BABAM2: variants seen among roughly 807,000 people sequenced by gnomAD.
The protein encoded by BABAM2 is BRISC and BRCA1-A complex member 2.
BABAM2 carries 31 observed loss-of-function variants against 54.7 expected under a neutral mutation model. That is an observed-to-expected ratio of 0.57 (90% CI 0.43 to 0.77). BABAM2 has a LOEUF of 0.77. Among genes scored for constraint, BABAM2 ranks in the 30% least tolerant of loss-of-function variants. BABAM2 has a pLI of 0.00. For missense variants in BABAM2, 364 were observed against 455.8 expected (o/e 0.80, Z 1.83); for synonymous variants, 167 against 162.9 (o/e 1.03, Z -0.19).
intron 7 of BABAM2, among the ~76,000 whole-genome samples, chr2:28,234,016 ACTGTTTCTTCCCATCC>A (rs1681671905): frequency 6.6e-6 from 1 of 152,124 alleles, no homozygotes; most frequent in African/African-American, 2.4e-5. Context: ...AGCCAGACCT[ACTGTTTCTTCCCATCC>A]CTGTAGTCTT....
At chr2:28,118,526 A>G (rs921345759) in intron 6 of BABAM2, among the ~76,000 whole-genome samples, 2 of 152,096 alleles carry the variant, frequency 1.3e-5, no homozygotes, top group Non-Finnish European at 2.9e-5. Flanking sequence ...TTCTTTTGAG[A>G]AGTGTCTGTT....
intron 5 of BABAM2, among the ~76,000 whole-genome samples, chr2:28,031,354 A>G (rs1676279100): frequency 6.6e-6 from 1 of 152,184 alleles, no homozygotes; most frequent in Non-Finnish European, 1.5e-5. Flanking sequence ...AGGGACTTGA[A>G]TGAACCCATA....
intron 2 of BABAM2, among the ~76,000 whole-genome samples, chr2:27,907,420 C>G (rs1272784416): frequency 6.6e-6 from 1 of 151,536 alleles, no homozygotes; most frequent in Non-Finnish European, 1.5e-5. Context: ...TCTGTGGACT[C>G]CTGAATTTTT....
At chr2:28,051,970 T>A (rs183729525) in intron 6 of BABAM2, among the ~76,000 whole-genome samples, 1 of 151,796 alleles carries the variant, frequency 6.6e-6, no homozygotes, top group Non-Finnish European at 1.5e-5. Context: ...TTTAAAATGT[T>A]CATGATGAAG....
At chr2:28,030,976 A>G (rs1676255098) in intron 5 of BABAM2, among the ~76,000 whole-genome samples, 1 of 152,208 alleles carries the variant, frequency 6.6e-6, no homozygotes, top group African/African-American at 2.4e-5. Context: ...GAAGACTGTT[A>G]TAAATAACAA....
chr2:28,136,588 T>C (rs1283974567), intron 7 of BABAM2, among the ~76,000 whole-genome samples: 1 of 152,256 alleles, frequency 6.6e-6, no homozygotes, highest in Non-Finnish European at 1.5e-5. Flanking sequence ...CTTTCCTTTA[T>C]GGTCGCCTGT....
At chr2:27,947,811 A>AT (rs1448879644) in intron 3 of BABAM2, among the ~76,000 whole-genome samples, 4 of 152,190 alleles carry the variant, frequency 2.6e-5, no homozygotes, top group Non-Finnish European at 4.4e-5. Context: ...AAAAGTATGG[A>AT]CATCCACATA....
At chr2:28,158,426 A>T (rs951599489) in intron 7 of BABAM2, among the ~76,000 whole-genome samples, 2 of 152,216 alleles carry the variant, frequency 1.3e-5, no homozygotes, top group Non-Finnish European at 2.9e-5. Flanking sequence ...TGAAATACAC[A>T]CTGTTGTAGT....
At chr2:28,164,306 C>G (rs1673408683) in intron 7 of BABAM2, among the ~76,000 whole-genome samples, 1 of 152,112 alleles carries the variant, frequency 6.6e-6, no homozygotes, top group East Asian at 1.9e-4. Context: ...ATGAGAGTTG[C>G]CCCTACACCC....
intron 10 of BABAM2, among the ~76,000 whole-genome samples, chr2:28,281,981 A>C (rs545340301): frequency 6.6e-6 from 1 of 152,218 alleles, no homozygotes; most frequent in Non-Finnish European, 1.5e-5. Context: ...AGACTTTCTG[A>C]AAAGGAAGTG....
At chr2:28,324,996 C>CT (rs532166189) in intron 11 of BABAM2, among the ~76,000 whole-genome samples, 8 of 148,694 alleles carry the variant, frequency 5.4e-5, no homozygotes, top group African/African-American at 1.2e-4. Flanking sequence ...GGCTTCCAGA[C>CT]TTTTTTTTTT....
At chr2:28,252,235 A>T (rs1683564236) in intron 10 of BABAM2, among the ~76,000 whole-genome samples, 1 of 151,712 alleles carries the variant, frequency 6.6e-6, no homozygotes, top group South Asian at 2.1e-4. Context: ...AATGAAAATT[A>T]ATTATCAACA....
At chr2:28,136,297 C>T (rs1670532631) in intron 7 of BABAM2, among the ~76,000 whole-genome samples, 1 of 152,224 alleles carries the variant, frequency 6.6e-6, no homozygotes, top group South Asian at 2.1e-4. Flanking sequence ...TCCACAATGG[C>T]ACCACACTTT....
rs572749817 is a variant in BABAM2, at chr2:28,270,723, T to G, written c.934+25861T>G. On this transcript the variant is annotated intron_variant, in intron 10 of 11. Coordinates refer to ENST00000379624, the MANE Select transcript of BABAM2 (RefSeq NM_199191.3). ...CCTCAGCCCTGAATCCAGATCACAC[T>G]AATAGTTGTTATTTATGAAACACTG... Among the ~76,000 whole-genome samples, 7 of 152,338 alleles carry G rather than the reference T, an allele frequency of 4.6e-5. No homozygotes were observed. The East Asian group carries it at 1.2e-3, about 25-fold the overall frequency.
At chr2:28,257,104 T>G (rs1558477795) in intron 10 of BABAM2, among the ~76,000 whole-genome samples, 2 of 152,200 alleles carry the variant, frequency 1.3e-5, no homozygotes, top group African/African-American at 2.4e-5. Context: ...ATGCCCTGAT[T>G]TGAGGTATAA....
intron 5 of BABAM2, among the ~76,000 whole-genome samples, chr2:28,028,883 C>T (rs1223284551): frequency 2.0e-5 from 3 of 152,170 alleles, no homozygotes; most frequent in South Asian, 2.1e-4. Context: ...TCTCCTCTCT[C>T]AGCCTCCTGA....
chr2:27,976,347 C>T (rs2148462396), intron 3 of BABAM2, among the ~76,000 whole-genome samples: 1 of 152,178 alleles, frequency 6.6e-6, no homozygotes, highest in South Asian at 2.1e-4. Flanking sequence ...TATGGTACAT[C>T]TGTACAATGG....
chr2:28,273,791 CA>C (rs1416409905), intron 10 of BABAM2, among the ~76,000 whole-genome samples: 1 of 152,152 alleles, frequency 6.6e-6, no homozygotes, highest in Non-Finnish European at 1.5e-5. Flanking sequence ...CACAGGCAGT[CA>C]AAGGAGCACC....
At chr2:28,132,239 C>T (rs866411933) in intron 7 of BABAM2, among the ~76,000 whole-genome samples, 43 of 151,448 alleles carry the variant, frequency 2.8e-4, no homozygotes, top group African/African-American at 9.4e-4. Context: ...CCCGGGTTCA[C>T]GCCATTCTCC....
Sources: allele counts gnomAD v4.1 joint callset (sites outside exome capture counted in the v4.1 genomes callset), GRCh38; gene constraint gnomAD v4.1.1; transcripts MANE v1.5; gene names NCBI Gene and HGNC (gene_info 2026-07-23, HGNC 2026-07-21).